The following RFX1 variants were observed in gnomAD, a reference collection of about 807,000 sequenced individuals.
The protein encoded by RFX1 is regulatory factor X1.
RFX1 carries 42 observed loss-of-function variants against 119.6 expected under a neutral mutation model. The observed-to-expected ratio is 0.35, with a 90% CI of 0.27 to 0.45. The LOEUF (loss-of-function observed/expected upper bound fraction) is 0.45. Among genes scored for constraint, RFX1 ranks in the 20% least tolerant of loss-of-function variants. RFX1 has a pLI of 1.00. For synonymous variants in RFX1, 628 were observed against 618.5 expected, an observed-to-expected ratio of 1.02 and a Z score of -0.23; for missense variants, 1,118 against 1,368.1, an observed-to-expected ratio of 0.82 and a Z score of 2.88.
At chr19:14,005,922 A>C (rs990973385) in intron 1 of RFX1, among the ~76,000 whole-genome samples, 181 bp downstream of exon 1, 1 of 146,488 alleles carries the variant, frequency 6.8e-6, no homozygotes, top group African/African-American at 2.5e-5. Flanking sequence ...GGCCGCGGGG[A>C]CGGGGGCGGG....
intron 1 of RFX1, among the ~76,000 whole-genome samples, chr19:13,996,550 A>G (rs1975027446): frequency 6.6e-6 from 1 of 152,084 alleles, no homozygotes; most frequent in Non-Finnish European, 1.5e-5. Context: ...CGTATGAGGG[A>G]GGCATCATCA....
rs1973855505 is a variant in RFX1, at chr19:13,965,267, G to C, written c.2211+182C>G. 1.3e-5 allele frequency among the ~76,000 whole-genome samples: 2 copies of C among 152,174 alleles called. No homozygotes were observed. Among genetic ancestry groups the C allele is most frequent in the Non-Finnish European group, 2.9e-5 (2 of 68,028 alleles). On this transcript the variant is annotated intron_variant, in intron 16 of 20. Coordinates refer to ENST00000254325, the MANE Select transcript of RFX1 (RefSeq NM_002918.5). The surrounding 1 kb of genome is among the most constrained non-coding windows in gnomAD (Gnocchi z 4.7). ...GGTTGCATTTCAGAAGTGGGTGCCT[G>C]AGGACACTGGTTTATAAAGACAATG...
chr19:13,977,917 G>A, intron 8 of RFX1, 75 bp downstream of exon 8: 1 of 1,152,148 alleles, frequency 8.7e-7, no homozygotes, highest in Non-Finnish European at 1.3e-6. Context: ...TGGGACTGGG[G>A]ACTGGTGTCC....
At chr19:13,994,937 T>TATATAA (rs1194739757) in intron 1 of RFX1, among the ~76,000 whole-genome samples, 17 of 111,472 alleles carry the variant, frequency 1.5e-4, no homozygotes, top group Admixed American at 2.9e-4. Context: ...TATATATATA[T>TATATAA]AATCATTTTT....
intron 5 of RFX1, among the ~76,000 whole-genome samples, chr19:13,981,818 C>T (rs866965129): frequency 1.3e-5 from 2 of 152,206 alleles, no homozygotes; most frequent in African/African-American, 2.4e-5. Context: ...CTTTGTTTCT[C>T]GGAATGCAGT....
Position 13,963,840 on chromosome 19 carries a change from G to A in RFX1, c.2361+18C>T. The A allele has an allele frequency of 2.9e-6, 2 of 688,490 alleles. No homozygotes were observed. The highest frequency in any genetic ancestry group is 3.3e-5 in the South Asian group (2 of 61,440). 42.6% of individuals were successfully genotyped at this position (688,490 alleles called of 1,614,324 possible). On this transcript the variant is annotated intron_variant, in intron 17 of 20. Transcript: ENST00000254325. ...AGGCTGCCCCTCATTCGCCCGCCCC[G>A]CCCCGCCCCGCGCTCACCTGCACGT...
rs1473328819 is a variant in RFX1 at position 13,985,351 on chromosome 19, G to A, written c.320-1756C>T. ...GCCACCACGCCCAGCTAATTTTTGT[G>A]GTTTTAGTAGAGACGGGGTTTTGCC... On this transcript the variant is annotated intron_variant, in intron 2 of 20. Coordinates refer to ENST00000254325, the MANE Select transcript of RFX1 (RefSeq NM_002918.5). This position sits in a 1 kb window ranked among gnomAD's most constrained non-coding sequence, Gnocchi z 4.3. Among the ~76,000 whole-genome samples the A allele has an allele frequency of 3.3e-5, 5 of 152,116 alleles. No individual in the cohort carries two copies. Among genetic ancestry groups the A allele is most frequent in the African/African-American group, 1.2e-4 (5 of 41,486 alleles).
intron 8 of RFX1, among the ~76,000 whole-genome samples, chr19:13,976,616 G>A (rs1052975194): frequency 2.0e-5 from 3 of 152,256 alleles, no homozygotes; most frequent in Non-Finnish European, 4.4e-5. Context: ...GCAGCTAAGA[G>A]GGTGACCAGG....
intron 7 of RFX1, among the ~76,000 whole-genome samples, chr19:13,979,142 T>G (rs1974350055): frequency 6.6e-6 from 1 of 151,990 alleles, no homozygotes; most frequent in South Asian, 2.1e-4. Context: ...GCTCCAGGCC[T>G]CCACCCACCG....
chr19:13,968,916 A>G lies in RFX1; in HGVS notation c.1497-22T>C, dbSNP rs982042789. The G allele has an allele frequency of 2.0e-6, 3 of 1,514,656 alleles. No individual in the cohort carries two copies. Among genetic ancestry groups the G allele is most frequent in the Non-Finnish European group, 1.8e-6 (2 of 1,120,218 alleles). The allele number at this position is 1,514,656 out of a possible 1,614,324, so 93.8% of individuals were successfully genotyped here. A position where few individuals can be genotyped will look rare whatever the true frequency, so the allele number is the denominator to read the frequency against. ...GCCCCTGGGAGGGAGGTGGAGGGGAAGGGCTGGGCTGGGGGTCTGCCGGCT... is the reference window on the plus strand; with the variant it reads ...GCCCCTGGGAGGGAGGTGGAGGGGAGGGGCTGGGCTGGGGGTCTGCCGGCT... On this transcript the variant is annotated intron_variant, in intron 10 of 20. Coordinates refer to ENST00000254325, the MANE Select transcript of RFX1 (RefSeq NM_002918.5). This position sits in a 1 kb window ranked among gnomAD's most constrained non-coding sequence, Gnocchi z 5.5.
Position 13,963,471 on chromosome 19 carries a change from C to T in RFX1, c.2570+67G>A, listed in dbSNP as rs1049259950. The T allele has an allele frequency of 1.0e-5, 15 of 1,498,568 alleles. No homozygotes were observed. In the African/African-American group the frequency reaches 1.5e-4, roughly 15 times the overall value. 92.8% of individuals were successfully genotyped at this position (1,498,568 alleles called of 1,614,324 possible). A position where few individuals can be genotyped will look rare whatever the true frequency, so the allele number is the denominator to read the frequency against. On this transcript the variant is annotated intron_variant, in intron 18 of 20. Transcript: ENST00000254325. ...AGGCTCGGGTCGTCGTAGAAGAGCA[C>T]CTGAGACCCCCAGGGACGCGGGGCC...
At position 13,972,962 on chromosome 19, in the gene RFX1, G is replaced by A. The variant is rs754182049; in HGVS notation, c.1095C>T (p.Val365=). 3.8e-6 allele frequency: 6 copies of A among 1,599,432 alleles called. No individual in the cohort carries two copies. Among genetic ancestry groups the A allele is most frequent in the African/African-American group, 1.3e-5 (1 of 74,890 alleles). ...CCCCAGTGCTGGTGGAGCTGGCGAC[G>A]ACCTGGCTGCCGGACACGTACATGG... ...SMPMYVSGSQ[V]VASSTSTGAG... The change falls in exon 9 of 21, where the codon GTC becomes GTT. Residue 365 remains valine (V), a synonymous_variant. Coordinates refer to ENST00000254325, the MANE Select transcript of RFX1 (RefSeq NM_002918.5).
upstream of RFX1, chr19:14,006,344 C>T (rs1975381706): frequency 1.3e-5 from 2 of 152,150 alleles, no homozygotes; most frequent in African/African-American, 2.4e-5. Context: ...CTAGTTACGT[C>T]ACGCGCGGGG....
At chr19:13,984,448 G>C (rs993132455) in intron 2 of RFX1, among the ~76,000 whole-genome samples, 1 of 152,190 alleles carries the variant, frequency 6.6e-6, no homozygotes, top group Non-Finnish European at 1.5e-5. Flanking sequence ...GCTGCGGGGT[G>C]AGGAGGGAGG....
rs1973690162 is a variant in RFX1 at position 13,961,976 on chromosome 19, G to C, written c.*719C>G. 1.3e-5 allele frequency: 2 copies of C among 152,432 alleles called. No homozygotes were observed. Among genetic ancestry groups the C allele is most frequent in the Non-Finnish European group, 2.9e-5 (2 of 68,126 alleles). 9.4% of individuals were successfully genotyped at this position (152,432 alleles called of 1,614,324 possible). On this transcript the variant is annotated 3_prime_UTR_variant, in exon 21 of 21. Coordinates refer to ENST00000254325, the MANE Select transcript of RFX1 (RefSeq NM_002918.5). Reference sequence around the variant, plus strand: ...AAGGTTCCATTACAAACCAGCGGCGGAGGGCGGGGGCGCGGGGGCTGGGGT... The same window carrying C: ...AAGGTTCCATTACAAACCAGCGGCGCAGGGCGGGGGCGCGGGGGCTGGGGT...
intron 2 of RFX1, among the ~76,000 whole-genome samples, chr19:13,988,767 T>C (rs923257767): frequency 2.0e-5 from 3 of 152,124 alleles, no homozygotes; most frequent in Non-Finnish European, 4.4e-5. Flanking sequence ...ACACCTATAA[T>C]CCCAGCACTT....
intron 2 of RFX1, among the ~76,000 whole-genome samples, chr19:13,984,785 G>A (rs897572144): frequency 2.6e-5 from 4 of 152,182 alleles, no homozygotes; most frequent in African/African-American, 9.7e-5. Flanking sequence ...CCACGGGCAA[G>A]GAGTTATCAC....
chr19:14,006,721 C>T (rs1272755573), upstream of RFX1: 1 of 152,236 alleles, frequency 6.6e-6, no homozygotes, highest in Non-Finnish European at 1.5e-5. Context: ...AGTTGTAGTC[C>T]GCTCTTGCGT....
rs1973974020 is a variant in RFX1 at position 13,968,511 on chromosome 19, C to T, written c.1732+54G>A. On this transcript the variant is annotated intron_variant, in intron 12 of 20. Transcript: ENST00000254325. The surrounding 1 kb of genome is among the most constrained non-coding windows in gnomAD (Gnocchi z 5.5). ...GCCGCCATCCAGCTTTGGGAACCGT[C>T]TGCACGGGGCAGGGAGGCGGTGGTT... 1.4e-6 allele frequency: 2 copies of T among 1,442,876 alleles called. No individual in the cohort carries two copies. Among genetic ancestry groups the T allele is most frequent in the Admixed American group, 3.4e-5 (2 of 59,528 alleles). 89.4% of individuals were successfully genotyped at this position (1,442,876 alleles called of 1,614,324 possible).
Sources: gnomAD v4.1 joint callset for allele counts (sites outside exome capture counted in the v4.1 genomes callset) on GRCh38, gnomAD v4.1.1 for gene constraint, Gnocchi (gnomAD v3.1) non-coding constraint, MANE v1.5 for transcripts, NCBI Gene and HGNC (gene_info 2026-07-23, HGNC 2026-07-21) for gene names.